CACNA2D4: variants seen among roughly 807,000 people sequenced by gnomAD.
The protein encoded by CACNA2D4 is calcium voltage-gated channel auxiliary subunit alpha2delta 4.
In CACNA2D4, 157 loss-of-function variants were observed where a neutral mutation model predicts 163.8. The observed-to-expected ratio is 0.96, with a 90% CI of 0.84 to 1.09. The LOEUF (loss-of-function observed/expected upper bound fraction) is 1.09. Ranked by LOEUF, CACNA2D4 falls within the 50% of genes least tolerant of loss-of-function variation. The pLI, the probability that CACNA2D4 is intolerant of heterozygous loss-of-function variation, is 0.00. For missense variants in CACNA2D4, 1,410 were observed against 1,479.9 expected (o/e 0.95, Z 0.78); for synonymous variants, 598 against 586.9 (o/e 1.02, Z -0.27).
At chr12:1,907,786 G>T in intron 5 of CACNA2D4, 89 bp downstream of exon 5, 2 of 1,296,986 alleles carry the variant, frequency 1.5e-6, no homozygotes. Context: ...TGGTGAGTAT[G>T]CCTGGTGGGT....
chr12:1,908,146 GC>G (rs1866713532), intron 4 of CACNA2D4, 109 bp from the exon 5 acceptor site: 2 of 1,169,994 alleles, frequency 1.7e-6, no homozygotes, highest in East Asian at 4.9e-5. Flanking sequence ...GGGCCGGGCG[GC>G]CATCAGAGTC....
chr12:1,871,366 G>A (rs1162481493), intron 18 of CACNA2D4, among the ~76,000 whole-genome samples: 1 of 122,204 alleles, frequency 8.2e-6, no homozygotes, highest in African/African-American at 3.0e-5. Flanking sequence ...GTGTGTACAT[G>A]TGTGTGCTGC....
rs979481148 is a variant in CACNA2D4 at position 1,874,110 on chromosome 12, C to T, written c.1878+494G>A. Among the ~76,000 whole-genome samples the T allele has an allele frequency of 1.3e-5, 2 of 152,252 alleles. No individual in the cohort carries two copies. The highest frequency in any genetic ancestry group is 2.4e-5 in the African/African-American group (1 of 41,550). ...ATGAAATGATCTTTTATAAACGATG[C>T]ACATGGTTGTAAAGATAGTAATGGG... On this transcript the variant is annotated intron_variant, in intron 18 of 37. Transcript: ENST00000382722. This position sits in a 1 kb window ranked among gnomAD's most constrained non-coding sequence, Gnocchi z 4.4.
At position 1,914,941 on chromosome 12, in the gene CACNA2D4, A is replaced by G; in HGVS notation, c.228-6T>C. 1 of 1,605,812 alleles carries G rather than the reference A, an allele frequency of 6.2e-7. No homozygotes were observed. The highest frequency in any genetic ancestry group is 8.5e-7 in the Non-Finnish European group (1 of 1,172,314). Reference sequence around the variant, plus strand: ...TGTCAGCCCATAGCTTCACTCTGCCAGGCAATGAAAGGACACGCGTATACA... The same window carrying G: ...TGTCAGCCCATAGCTTCACTCTGCCGGGCAATGAAAGGACACGCGTATACA... On this transcript the variant is annotated splice_region_variant and splice_polypyrimidine_tract_variant and intron_variant, in intron 1 of 37. Coordinates refer to ENST00000382722, the MANE Select transcript of CACNA2D4 (RefSeq NM_172364.5).
At position 1,828,003 on chromosome 12, in the gene CACNA2D4, G is replaced by A; in HGVS notation, c.2551+12736C>T. The A allele has an allele frequency of 3.5e-6, 2 of 569,606 alleles. No individual in the cohort carries two copies. The highest frequency in any genetic ancestry group is 2.9e-6 in the Non-Finnish European group (1 of 343,840). 35.3% of individuals were successfully genotyped at this position (569,606 alleles called of 1,614,324 possible). A position where few individuals can be genotyped will look rare whatever the true frequency, so the allele number is the denominator to read the frequency against. On this transcript the variant is annotated intron_variant, in intron 26 of 37. Transcript: ENST00000382722. This position sits in a 1 kb window ranked among gnomAD's most constrained non-coding sequence, Gnocchi z 4.2. ...ATGAGGAGTGTAAAGAGACACCCGG[G>A]CCCTCTCCCTAACCCCTGGGCTGGA...
intron 6 of CACNA2D4, among the ~76,000 whole-genome samples, chr12:1,898,221 A>G (rs938973515): frequency 2.6e-5 from 4 of 152,176 alleles, no homozygotes; most frequent in African/African-American, 7.2e-5. Context: ...AAGAAAAAAT[A>G]GATAGACTGG....
intron 1 of CACNA2D4, among the ~76,000 whole-genome samples, chr12:1,916,274 G>A (rs1289405556): frequency 1.3e-5 from 2 of 152,194 alleles, no homozygotes; most frequent in South Asian, 2.1e-4. Context: ...TGAGGTTCCC[G>A]TTGTAGAGCT....
rs1592695168 is a variant in CACNA2D4, at chr12:1,833,510, A to T, written c.2551+7229T>A. On this transcript the variant is annotated intron_variant, in intron 26 of 37. Coordinates refer to ENST00000382722, the MANE Select transcript of CACNA2D4 (RefSeq NM_172364.5). This position sits in a 1 kb window ranked among gnomAD's most constrained non-coding sequence, Gnocchi z 4.2. ...CGAGCCCGTGCGCCCAGGTACCCAC[A>T]CCTCCTCATCAACACCAGCCTCCTC... 6.6e-6 allele frequency among the ~76,000 whole-genome samples: 1 copy of T among 151,276 alleles called. No homozygotes were observed. Among genetic ancestry groups the T allele is most frequent in the African/African-American group, 2.4e-5 (1 of 41,046 alleles).
Position 1,907,965 on chromosome 12 carries a change from A to C in CACNA2D4, c.559T>G (p.Phe187Val). 1 of 1,613,926 alleles carries C rather than the reference A, an allele frequency of 6.2e-7. No homozygotes were observed. Among genetic ancestry groups the C allele is most frequent in the Non-Finnish European group, 8.5e-7 (1 of 1,179,854 alleles). Residue 187 changes from phenylalanine to valine, a missense_variant, in exon 5 of 38, where the codon TTC becomes GTC. Phe to Val is a conservative substitution (Grantham distance 50). Transcript: ENST00000382722. ...KGNFVELGAEFLLESNAHFSN... is the reference protein window; with the variant it reads ...KGNFVELGAEVLLESNAHFSN... ...AAGTGAGCATTGGACTCCAGGAGGA[A>C]CTCGGCGCCCAGCTCCACGAAGTTG...
In CACNA2D4 at chr12:1,856,194, C is replaced by G. The variant is rs1203859370; in HGVS notation, c.2044G>C (p.Ala682Pro). ...TTACTCCTCACTTACCAGTCACCGGCCAGGGCCAGGTCTGGGTGAAGCAAG... is the reference window on the plus strand; with the variant it reads ...TTACTCCTCACTTACCAGTCACCGGGCAGGGCCAGGTCTGGGTGAAGCAAG... ...HDLLHPDLAL[A>P]GDWIYCITDI... Residue 682 changes from alanine to proline, a missense_variant, in exon 21 of 38, where the codon GCC becomes CCC. Coordinates refer to ENST00000382722, the MANE Select transcript of CACNA2D4 (RefSeq NM_172364.5). 8 of 1,613,926 alleles carry G rather than the reference C, an allele frequency of 5.0e-6. 1 individual carries two copies. The South Asian group carries it at 8.8e-5, about 18-fold the overall frequency.
chr12:1,843,458 C>T lies in CACNA2D4; in HGVS notation c.2470+944G>A, dbSNP rs985937003. Among the ~76,000 whole-genome samples the T allele has an allele frequency of 6.6e-6, 1 of 152,242 alleles. No individual in the cohort carries two copies. The highest frequency in any genetic ancestry group is 1.5e-5 in the Non-Finnish European group (1 of 68,044). ...AAGTCTCCACACTCCTGCATCCCCT[C>T]CTGGGGCTCACCCCACCTGCCTGTG... On this transcript the variant is annotated intron_variant, in intron 25 of 37. Coordinates refer to ENST00000382722, the MANE Select transcript of CACNA2D4 (RefSeq NM_172364.5). This position sits in a 1 kb window ranked among gnomAD's most constrained non-coding sequence, Gnocchi z 4.6.
chr12:1,909,190 GTTTA>G (rs1198117947), intron 4 of CACNA2D4, among the ~76,000 whole-genome samples: 4 of 144,158 alleles, frequency 2.8e-5, no homozygotes, highest in South Asian at 2.2e-4. Flanking sequence ...TTATTTATTT[GTTTA>G]TTTATTTATT....
In CACNA2D4 at chr12:1,801,111, T is replaced by C. The variant is rs535130457; in HGVS notation, c.2800A>G (p.Met934Val). ...TTGCACATGGCCTGATAGTCATACA[T>C]AGTCACTCTGAAAATCAGAAGCGGG... ...LSMGVFSQVT[M>V]YDYQAMCKPS... is the part of the protein sequence containing the mutation. The change falls in exon 31 of 38, where the codon ATG becomes GTG. Residue 934 changes from methionine (M) to valine (V), a missense_variant. Met to Val is a conservative substitution (Grantham distance 21). Transcript: ENST00000382722. 78 of 1,613,826 alleles carry C rather than the reference T, an allele frequency of 4.8e-5. 1 individual carries two copies. In the South Asian group the frequency reaches 5.5e-4, roughly 11 times the overall value.
At chr12:1,901,117 G>T (rs909780253) in intron 6 of CACNA2D4, among the ~76,000 whole-genome samples, 3 of 152,074 alleles carry the variant, frequency 2.0e-5, no homozygotes, top group Admixed American at 6.5e-5. Flanking sequence ...TCAATGAAGA[G>T]ATTAAGAAGG....
intron 35 of CACNA2D4, among the ~76,000 whole-genome samples, chr12:1,796,172 G>A (rs1330684716): frequency 6.6e-6 from 1 of 152,220 alleles, no homozygotes; most frequent in African/African-American, 2.4e-5. Context: ...CGAAGCGGCA[G>A]CGCTGGAGCT....
chr12:1,894,378 C>T (rs754127570), intron 6 of CACNA2D4, among the ~76,000 whole-genome samples: 6 of 152,134 alleles, frequency 3.9e-5, no homozygotes, highest in Admixed American at 1.3e-4. Flanking sequence ...TTCCCTAACT[C>T]GTTCTGTGAG....
rs1239076958 is a variant in CACNA2D4, at chr12:1,820,012, A to G, written c.2552-8289T>C. Reference sequence around the variant, plus strand: ...CCTTTCCTGTAGGGTCATCTGGCACATGGACATGCCTGTGTACCCTTCTTT... The same window carrying G: ...CCTTTCCTGTAGGGTCATCTGGCACGTGGACATGCCTGTGTACCCTTCTTT... On this transcript the variant is annotated intron_variant, in intron 26 of 37. Transcript: ENST00000382722. The surrounding 1 kb of genome is among the most constrained non-coding windows in gnomAD (Gnocchi z 6.0). Among the ~76,000 whole-genome samples the G allele has an allele frequency of 6.6e-6, 1 of 152,294 alleles. No individual in the cohort carries two copies. Among genetic ancestry groups the G allele is most frequent in the South Asian group, 2.1e-4 (1 of 4,822 alleles).
chr12:1,805,491 C>T (rs1863503205), intron 29 of CACNA2D4, among the ~76,000 whole-genome samples: 1 of 152,224 alleles, frequency 6.6e-6, no homozygotes, highest in Non-Finnish European at 1.5e-5. Flanking sequence ...ACTCAAGTCC[C>T]TGTGTCTGGC....
chr12:1,867,529 T>C (rs114992914), intron 18 of CACNA2D4, among the ~76,000 whole-genome samples: 2,314 of 152,218 alleles, frequency 0.015, 66 homozygotes, highest in African/African-American at 0.053. Context: ...TACTTTTTGG[T>C]TTTAAAATTT....
Sources: allele counts gnomAD v4.1 joint callset (sites outside exome capture counted in the v4.1 genomes callset), GRCh38; gene constraint gnomAD v4.1.1; non-coding constraint Gnocchi (gnomAD v3.1); transcripts MANE v1.5; gene names NCBI Gene and HGNC (gene_info 2026-07-23, HGNC 2026-07-21).